GPR158: variants seen among roughly 807,000 people sequenced by gnomAD.
GPR158 encodes the protein G protein-coupled receptor 158.
In GPR158, 30 loss-of-function variants were observed where a neutral mutation model predicts 78.2. The ratio of observed to expected loss-of-function variants is 0.38; its 90% CI spans 0.29 to 0.52. GPR158 has a LOEUF of 0.52. Ranked by LOEUF, GPR158 falls within the 20% of genes least tolerant of loss-of-function variation. The pLI is 0.83. For synonymous variants in GPR158, 581 were observed against 591.1 expected (o/e 0.98, Z 0.25); for missense variants, 1,463 against 1,523.5 (o/e 0.96, Z 0.66).
intron 2 of GPR158, among the ~76,000 whole-genome samples, chr10:25,287,391 CT>C (rs1397999062): frequency 2.6e-5 from 4 of 151,964 alleles, no homozygotes; most frequent in East Asian, 1.9e-4. Flanking sequence ...TTTTTTGAGT[CT>C]TTTTTTATTA....
intron 2 of GPR158, among the ~76,000 whole-genome samples, chr10:25,372,245 T>G (rs1045263178): frequency 1.3e-5 from 2 of 151,862 alleles, no homozygotes; most frequent in African/African-American, 4.8e-5. Context: ...TAGGAACACT[T>G]TTACACTGTT....
At chr10:25,179,043 A>T (rs1215250204) in intron 1 of GPR158, among the ~76,000 whole-genome samples, 1 of 152,224 alleles carries the variant, frequency 6.6e-6, no homozygotes, top group Non-Finnish European at 1.5e-5. Flanking sequence ...GCCCATAGAA[A>T]ACAGCTGTCA....
intron 5 of GPR158, among the ~76,000 whole-genome samples, chr10:25,525,027 T>G (rs1369375680): frequency 6.6e-6 from 1 of 152,172 alleles, no homozygotes; most frequent in African/African-American, 2.4e-5. Flanking sequence ...ATGATCAGCA[T>G]CATTTCTCAT....
chr10:25,447,499 C>T (rs1327077888), intron 4 of GPR158, among the ~76,000 whole-genome samples: 3 of 152,254 alleles, frequency 2.0e-5, no homozygotes, highest in African/African-American at 2.4e-5. Flanking sequence ...GTTAGTTTCT[C>T]GTTCCTTTCC....
intron 2 of GPR158, among the ~76,000 whole-genome samples, chr10:25,247,810 T>G (rs1202782542): frequency 3.3e-5 from 5 of 149,700 alleles, no homozygotes; most frequent in East Asian, 2.0e-4. Flanking sequence ...GCATGATTTA[T>G]AGTCCTTTGG....
chr10:25,595,520 AT>A (rs1392332806), intron 9 of GPR158, among the ~76,000 whole-genome samples: 5 of 152,322 alleles, frequency 3.3e-5, no homozygotes, highest in African/African-American at 1.2e-4. Flanking sequence ...CAACTGACAA[AT>A]GTATAAACAA....
Position 25,392,722 on chromosome 10 carries a change from T to C in GPR158, c.1009-3189T>C, listed in dbSNP as rs1004689030. Among the ~76,000 whole-genome samples, 19 of 152,136 alleles carry C rather than the reference T, an allele frequency of 1.2e-4. No individual in the cohort carries two copies. The East Asian group carries it at 3.5e-3, about 28-fold the overall frequency. On this transcript the variant is annotated intron_variant, in intron 2 of 10. Coordinates refer to ENST00000376351, the MANE Select transcript of GPR158 (RefSeq NM_020752.3). ...TTCCTAATCTTAAAAATGTATAATT[T>C]TGTTTAGGAGGTAACAGAGATGAAG...
intron 5 of GPR158, among the ~76,000 whole-genome samples, chr10:25,482,470 A>T (rs1255635456): frequency 6.6e-6 from 1 of 152,138 alleles, no homozygotes; most frequent in Admixed American, 6.6e-5. Context: ...GGCATGAACC[A>T]CTGTGCTTGG....
At chr10:25,414,182 T>A (rs919058948) in intron 4 of GPR158, among the ~76,000 whole-genome samples, 1 of 152,196 alleles carries the variant, frequency 6.6e-6, no homozygotes, top group Non-Finnish European at 1.5e-5. Flanking sequence ...AGGTAAAATA[T>A]TACATTGGAT....
At chr10:25,425,812 G>A (rs1834812760) in intron 4 of GPR158, among the ~76,000 whole-genome samples, 2 of 152,190 alleles carry the variant, frequency 1.3e-5, no homozygotes, top group East Asian at 1.9e-4. Context: ...TGGCTATCCA[G>A]CTTCCTTTTT....
intron 4 of GPR158, among the ~76,000 whole-genome samples, chr10:25,424,405 A>G (rs1834791762): frequency 6.6e-6 from 1 of 152,018 alleles, no homozygotes; most frequent in Non-Finnish European, 1.5e-5. Flanking sequence ...CCATTTGTCA[A>G]TTTTGGCTTT....
chr10:25,498,372 C>T (rs1255344136), intron 5 of GPR158, among the ~76,000 whole-genome samples: 1 of 152,134 alleles, frequency 6.6e-6, no homozygotes, highest in Non-Finnish European at 1.5e-5. Flanking sequence ...AAATACAGAC[C>T]TCTTTGTAAT....
At chr10:25,526,103 T>TAAAAAAAAAAAAA in intron 5 of GPR158, among the ~76,000 whole-genome samples, 1 of 69,174 alleles carries the variant, frequency 1.4e-5, no homozygotes, top group Non-Finnish European at 2.8e-5. Context: ...CAATTTTGTC[T>TAAAAAAAAAAAAA]AAAAAAAAAA....
intron 4 of GPR158, among the ~76,000 whole-genome samples, chr10:25,428,144 T>G (rs1834849232): frequency 6.6e-6 from 1 of 152,072 alleles, no homozygotes; most frequent in African/African-American, 2.4e-5. Flanking sequence ...AATGTTAAGG[T>G]AATATTATAA....
chr10:25,477,860 C>G (rs1297488156), intron 5 of GPR158, among the ~76,000 whole-genome samples: 1 of 152,172 alleles, frequency 6.6e-6, no homozygotes, highest in Admixed American at 6.5e-5. Context: ...CAAAAGACAT[C>G]AGAGATCTGG....
At chr10:25,187,117 A>C (rs1040158371) in intron 1 of GPR158, among the ~76,000 whole-genome samples, 1 of 151,898 alleles carries the variant, frequency 6.6e-6, no homozygotes, top group African/African-American at 2.4e-5. Flanking sequence ...GGCGCCCGCC[A>C]TCACGCCCGG....
chr10:25,433,690 CTTTCTTTTT>C (rs998220413), intron 4 of GPR158, among the ~76,000 whole-genome samples: 1 of 93,260 alleles, frequency 1.1e-5, no homozygotes, highest in Non-Finnish European at 2.3e-5. Context: ...TTCTTTCTTT[CTTTCTTTTT>C]TTTTTTTTTT....
chr10:25,181,587 G>A (rs1452492243), intron 1 of GPR158, among the ~76,000 whole-genome samples: 2 of 152,226 alleles, frequency 1.3e-5, no homozygotes, highest in African/African-American at 4.8e-5. Context: ...GACTTAGGGT[G>A]TTACCAGAGG....
intron 1 of GPR158, among the ~76,000 whole-genome samples, chr10:25,201,221 C>T (rs1346811529): frequency 1.3e-5 from 2 of 152,070 alleles, no homozygotes; most frequent in African/African-American, 4.8e-5. Context: ...CCATTTACCT[C>T]CCTGGTTAGG....
Sources: gnomAD v4.1 joint callset for allele counts (sites outside exome capture counted in the v4.1 genomes callset) on GRCh38, gnomAD v4.1.1 for gene constraint, MANE v1.5 for transcripts, NCBI Gene and HGNC (gene_info 2026-07-23, HGNC 2026-07-21) for gene names.